Variants in GRID2 observed in about 807,000 individuals in gnomAD.
GRID2 encodes the protein glutamate receptor ionotropic, delta-2.
Under a neutral mutation model 114.8 loss-of-function variants are expected in GRID2, and 33 were observed. The ratio of observed to expected loss-of-function variants is 0.29; its 90% CI spans 0.22 to 0.38. The LOEUF is 0.38. Ranked by LOEUF, GRID2 falls within the 10% of genes least tolerant of loss-of-function variation. The pLI is 1.00. For missense variants in GRID2, 1,184 were observed against 1,257.7 expected, an observed-to-expected ratio of 0.94 and a Z score of 0.89; for synonymous variants, 505 against 449.9, an observed-to-expected ratio of 1.12 and a Z score of -1.55.
chr4:92,314,434 G>C (rs1291412713), intron 1 of GRID2, among the ~76,000 whole-genome samples: 3 of 152,028 alleles, frequency 2.0e-5, no homozygotes. Context: ...AGTGCATTCT[G>C]TTATGAATTT....
intron 5 of GRID2, among the ~76,000 whole-genome samples, chr4:93,215,024 G>A (rs1341212633): frequency 6.6e-6 from 1 of 151,952 alleles, no homozygotes; most frequent in Non-Finnish European, 1.5e-5. Context: ...TATAAACTGA[G>A]AATAAATAGC....
intron 1 of GRID2, among the ~76,000 whole-genome samples, chr4:92,321,695 T>A (rs2110127860): frequency 6.6e-6 from 1 of 152,254 alleles, no homozygotes; most frequent in East Asian, 1.9e-4. Flanking sequence ...TCAAGGTAGA[T>A]TAAATATAAG....
chr4:93,609,143 ACT>A (rs1740662739), intron 13 of GRID2, among the ~76,000 whole-genome samples: 2 of 110,036 alleles, frequency 1.8e-5, no homozygotes, highest in Non-Finnish European at 4.0e-5. Context: ...TCCTTCGCCC[ACT>A]TTTTGATGGG....
chr4:93,489,990 G>A (rs944446401), intron 11 of GRID2, among the ~76,000 whole-genome samples: 1 of 151,842 alleles, frequency 6.6e-6, no homozygotes. Context: ...GTCAAAGTCA[G>A]GGGACTCGTT....
In GRID2 at chr4:93,578,060, T is replaced by A. The variant is rs557147882; in HGVS notation, c.2194-48209T>A. On this transcript the variant is annotated intron_variant, in intron 13 of 15. Transcript: ENST00000282020. ...GCAGGTTTCATTTGAGGGTGGCCACTGTTGAGAACTTCTTTCACAGCAAAG... is the reference window on the plus strand; with the variant it reads ...GCAGGTTTCATTTGAGGGTGGCCACAGTTGAGAACTTCTTTCACAGCAAAG... 2.0e-5 allele frequency among the ~76,000 whole-genome samples: 3 copies of A among 152,308 alleles called. No individual in the cohort carries two copies. In the South Asian group the frequency reaches 6.2e-4, roughly 32 times the overall value.
At chr4:92,610,699 C>A (rs1196421873) in intron 2 of GRID2, among the ~76,000 whole-genome samples, 1 of 151,632 alleles carries the variant, frequency 6.6e-6, no homozygotes, top group Non-Finnish European at 1.5e-5. Flanking sequence ...TTCCATCACC[C>A]AACAAGCTCT....
intron 14 of GRID2, among the ~76,000 whole-genome samples, chr4:93,720,097 G>T (rs1729224217): frequency 6.6e-6 from 1 of 152,102 alleles, no homozygotes; most frequent in Admixed American, 6.6e-5. Context: ...AGATTTTAAT[G>T]ATATGAAAGA....
At chr4:92,584,215 A>G (rs565565944) in intron 1 of GRID2, among the ~76,000 whole-genome samples, 15 of 152,136 alleles carry the variant, frequency 9.9e-5, no homozygotes, top group African/African-American at 3.4e-4. Flanking sequence ...TACAATATTT[A>G]TAATGCCTTT....
intron 2 of GRID2, among the ~76,000 whole-genome samples, chr4:92,606,890 G>C (rs1387463500): frequency 1.3e-5 from 2 of 151,942 alleles, no homozygotes; most frequent in Non-Finnish European, 2.9e-5. Context: ...CACAGTAAGG[G>C]TGCCTCACAA....
At chr4:92,538,765 G>T (rs1725776579) in intron 1 of GRID2, among the ~76,000 whole-genome samples, 3 of 152,276 alleles carry the variant, frequency 2.0e-5, no homozygotes, top group Middle Eastern at 6.8e-3. Flanking sequence ...ATTAATGAAT[G>T]TAAGGTATTG....
At chr4:93,612,321 A>C (rs1741030121) in intron 13 of GRID2, among the ~76,000 whole-genome samples, 1 of 150,610 alleles carries the variant, frequency 6.6e-6, no homozygotes, top group South Asian at 2.1e-4. Flanking sequence ...ATTTAAAGTT[A>C]ATAGTGTTAT....
chr4:92,798,573 A>G (rs1740001216), intron 2 of GRID2, among the ~76,000 whole-genome samples: 1 of 152,050 alleles, frequency 6.6e-6, no homozygotes, highest in Non-Finnish European at 1.5e-5. Flanking sequence ...GACAGAATCT[A>G]ACTTTGGACA....
intron 2 of GRID2, among the ~76,000 whole-genome samples, chr4:92,941,759 G>A (rs897365320): frequency 5.9e-5 from 9 of 152,056 alleles, no homozygotes; most frequent in African/African-American, 1.4e-4. Flanking sequence ...AGAGATTCTC[G>A]TATGTTGTGT....
intron 2 of GRID2, among the ~76,000 whole-genome samples, chr4:92,889,231 C>T (rs1050140768): frequency 4.6e-5 from 7 of 151,936 alleles, no homozygotes; most frequent in Admixed American, 6.6e-5. Context: ...TCAGTAGATA[C>T]GTTCACCATT....
intron 1 of GRID2, among the ~76,000 whole-genome samples, chr4:92,570,677 G>C (rs1393502574): frequency 6.7e-6 from 1 of 148,694 alleles, no homozygotes; most frequent in African/African-American, 2.6e-5. Flanking sequence ...CACTTCCCTT[G>C]TTATCTCCTA....
Position 92,451,509 on chromosome 4 carries a change from A to G in GRID2, c.89-138622A>G, listed in dbSNP as rs929817727. Among the ~76,000 whole-genome samples, 29 of 152,186 alleles carry G rather than the reference A, an allele frequency of 1.9e-4. 1 individual carries two copies. The highest frequency in any genetic ancestry group is 1.7e-3 in the Admixed American group (26 of 15,262). ...GATACACGCATACAATAGAATTTCA[A>G]TGAGGTACAATCACTTCCCACATTT... On this transcript the variant is annotated intron_variant, in intron 1 of 15. Coordinates refer to ENST00000282020, the MANE Select transcript of GRID2 (RefSeq NM_001510.4).
At chr4:93,797,728 G>A (rs190423624) in intron 1 of GRID2, among the ~76,000 whole-genome samples, 2 of 151,430 alleles carry the variant, frequency 1.3e-5, no homozygotes, top group Admixed American at 6.6e-5. Context: ...TACTTTTCCT[G>A]TCTTTGGTAA....
chr4:92,308,035 A>T (rs1725501585), intron 1 of GRID2, among the ~76,000 whole-genome samples: 2 of 152,168 alleles, frequency 1.3e-5, no homozygotes, highest in Non-Finnish European at 2.9e-5. Flanking sequence ...GGCTATTCAG[A>T]AGTCGCTCTG....
chr4:92,434,237 T>A (rs1732619347), intron 1 of GRID2, among the ~76,000 whole-genome samples: 1 of 152,192 alleles, frequency 6.6e-6, no homozygotes, highest in Non-Finnish European at 1.5e-5. Flanking sequence ...CTGTTTTTTT[T>A]GCGTGTAGTC....
Sources: allele counts gnomAD v4.1 joint callset (sites outside exome capture counted in the v4.1 genomes callset), GRCh38; gene constraint gnomAD v4.1.1; transcripts MANE v1.5; gene names NCBI Gene and HGNC (gene_info 2026-07-23, HGNC 2026-07-21).